The following TET2 variants were observed in gnomAD, a reference collection of about 807,000 sequenced individuals.
TET2 encodes the protein methylcytosine dioxygenase TET2.
Under a neutral mutation model 142.9 loss-of-function variants are expected in TET2, and 299 were observed. The observed-to-expected ratio is 2.09, with a 90% confidence interval of 1.90 to 2.30. The LOEUF (loss-of-function observed/expected upper bound fraction) is 2.30, where lower values mean the gene tolerates loss of function less well. Among genes scored for constraint, TET2 ranks in the 30% most tolerant of loss-of-function variants. The pLI, the probability that TET2 is intolerant of heterozygous loss-of-function variation, is 0.00. For synonymous variants in TET2, 819 were observed against 849.0 expected, an observed-to-expected ratio of 0.96 and a Z score of 0.61; for missense variants, 2,418 against 2,378.0, an observed-to-expected ratio of 1.02 and a Z score of -0.35.
In TET2 at chr4:105,275,286, CA is replaced by C; in HGVS notation, c.4777del (p.Ser1593AlafsTer3). On this transcript the variant is annotated frameshift_variant, in exon 11 of 11. Transcript: ENST00000380013. LOFTEE classifies it low-confidence loss of function (END_TRUNC). The stretch of plus-strand genomic sequence containing the variant: ...ACACTTCAGATATCTATGGAAGCAC[CA>C]GCCCTATGAACTTCTATTCCACCTC... ...SHTSDIYGSTSPMNFYSTSSQ... is the reference protein window; with the variant it reads ...SHTSDIYGSTXPMNFYSTSSQ... The C allele has an allele frequency of 6.4e-7, 1 of 1,552,160 alleles. No homozygotes were observed. Among genetic ancestry groups the C allele is most frequent in the Non-Finnish European group, 8.7e-7 (1 of 1,147,088 alleles).
In TET2 at chr4:105,243,788, GC is replaced by G; in HGVS notation, c.3803+13del. On this transcript the variant is annotated intron_variant, in intron 6 of 10. Transcript: ENST00000380013. ...GTGCCTTGAATGAAGAGTAAGTGAAGCCCAGGGCCTCTCCCCTCTTTGCGGC... is the reference window on the plus strand; with the variant it reads ...GTGCCTTGAATGAAGAGTAAGTGAAGCCAGGGCCTCTCCCCTCTTTGCGGC... 6.5e-7 allele frequency: 1 copy of G among 1,550,122 alleles called. No homozygotes were observed. The highest frequency in any genetic ancestry group is 8.7e-7 in the Non-Finnish European group (1 of 1,145,674).
intron 2 of TET2, among the ~76,000 whole-genome samples, chr4:105,212,441 G>T (rs1727224749): frequency 6.6e-6 from 1 of 151,968 alleles, no homozygotes; most frequent in Admixed American, 6.6e-5. Flanking sequence ...ATAATGACTG[G>T]CAACTTAACA....
Position 105,276,654 on chromosome 4 carries a change from C to A in TET2, c.*135C>A. The A allele has an allele frequency of 9.7e-7, 1 of 1,028,310 alleles. No homozygotes were observed. Among genetic ancestry groups the A allele is most frequent in the Non-Finnish European group, 1.4e-6 (1 of 727,200 alleles). The allele number at this position is 1,028,310 out of a possible 1,614,324, so 63.7% of individuals were successfully genotyped here. ...ATGTGGTGGGAAAAACCTCAGCTCA[C>A]CAGCAACAAAAGAGGTTATCTTACC... On this transcript the variant is annotated 3_prime_UTR_variant, in exon 11 of 11. Coordinates refer to ENST00000380013, the MANE Select transcript of TET2 (RefSeq NM_001127208.3).
chr4:105,244,586 G>GTTTTTTTTTTTTT (rs566674796), intron 6 of TET2, among the ~76,000 whole-genome samples: 1 of 66,696 alleles, frequency 1.5e-5, no homozygotes, highest in African/African-American at 4.1e-5. Flanking sequence ...ACACAGAAAT[G>GTTTTTTTTTTTTT]TTTTTTTTTT....
At chr4:105,193,876 G>A (rs17508289) in intron 2 of TET2, among the ~76,000 whole-genome samples, 10,477 of 152,156 alleles carry the variant, frequency 0.069, 485 homozygotes, top group Non-Finnish European at 0.1. Flanking sequence ...CATTAAATCC[G>A]TGTAATACTA....
At chr4:105,158,571 A>G (rs1723678507) in intron 1 of TET2, among the ~76,000 whole-genome samples, 1 of 152,292 alleles carries the variant, frequency 6.6e-6, no homozygotes, top group East Asian at 1.9e-4. Flanking sequence ...TTTGTAAATC[A>G]TTTGCCTACT....
chr4:105,173,580 T>G (rs1724605926), intron 1 of TET2, among the ~76,000 whole-genome samples: 1 of 151,994 alleles, frequency 6.6e-6, no homozygotes, highest in African/African-American at 2.4e-5. Flanking sequence ...CAGAGAAGAA[T>G]GAGTCATTTT....
chr4:105,157,871 T>G (rs1645255870), intron 1 of TET2, among the ~76,000 whole-genome samples: 2 of 152,074 alleles, frequency 1.3e-5, no homozygotes, highest in Non-Finnish European at 2.9e-5. Flanking sequence ...GAAACAGCGT[T>G]TCGCCATGTA....
intron 6 of TET2, among the ~76,000 whole-genome samples, chr4:105,250,522 C>T (rs912049572): frequency 6.6e-6 from 1 of 151,380 alleles, no homozygotes; most frequent in African/African-American, 2.4e-5. Context: ...TGAGCCACCA[C>T]ATCCAACCCC....
chr4:105,182,441 T>A (rs537701838), intron 1 of TET2, among the ~76,000 whole-genome samples: 148 of 152,342 alleles, frequency 9.7e-4, no homozygotes, highest in African/African-American at 3.4e-3. Context: ...ATTTTGATTA[T>A]CACTCCTGTG....
At chr4:105,225,185 C>CGTGTGTGTGTGTGTGTGTGT (rs79864807) in intron 2 of TET2, among the ~76,000 whole-genome samples, 3,535 of 147,168 alleles carry the variant, frequency 0.024, 112 homozygotes, top group African/African-American at 0.052. Context: ...AGTAAAAAAT[C>CGTGTGTGTGTGTGTGTGTGT]GTGTGTGTGT....
In TET2 at chr4:105,278,554, G is replaced by A; in HGVS notation, c.*2035G>A. Reference sequence around the variant, plus strand: ...CCTGTGTTTATGTAAAATTGTTGTAGGTTAATAAATATATTCTTTGTCAGG... The same window carrying A: ...CCTGTGTTTATGTAAAATTGTTGTAAGTTAATAAATATATTCTTTGTCAGG... On this transcript the variant is annotated 3_prime_UTR_variant, in exon 11 of 11. Coordinates refer to ENST00000380013, the MANE Select transcript of TET2 (RefSeq NM_001127208.3). 4.3e-6 allele frequency: 1 copy of A among 231,388 alleles called. No individual in the cohort carries two copies. The highest frequency in any genetic ancestry group is 8.5e-6 in the Non-Finnish European group (1 of 117,042). 14.3% of individuals were successfully genotyped at this position (231,388 alleles called of 1,614,324 possible). A position where few individuals can be genotyped will look rare whatever the true frequency, so the allele number is the denominator to read the frequency against.
chr4:105,163,903 G>A (rs1163538440), intron 1 of TET2, among the ~76,000 whole-genome samples: 1 of 148,596 alleles, frequency 6.7e-6, no homozygotes, highest in Non-Finnish European at 1.5e-5. Flanking sequence ...GCTTTGTTGA[G>A]GTATAATTGA....
Position 105,275,234 on chromosome 4 carries a change from CAG to C in TET2, c.4725_4726del (p.Val1576Ter). On this transcript the variant is annotated frameshift_variant, in exon 11 of 11. Transcript: ENST00000380013. LOFTEE classifies it low-confidence loss of function (END_TRUNC). ...AATCCATACATGAGACGGCCCAATC[CAG>C]TTAGTCCTTATCCAAACTCTTCACA... 6.4e-7 allele frequency: 1 copy of C among 1,552,344 alleles called. No individual in the cohort carries two copies. Among genetic ancestry groups the C allele is most frequent in the Non-Finnish European group, 8.7e-7 (1 of 1,147,122 alleles).
chr4:105,243,738 TACGGCACGCTC>T lies in TET2; in HGVS notation c.3766_3776del (p.Gly1256GlnfsTer8). ...GGAGCTTACCGAGACGCTGAGGAAA[TACGGCACGCTC>T]ACCAATCGCCGGTGTGCCTTGAATG... is the stretch of plus-strand genomic sequence containing the variant. On this transcript the variant is annotated frameshift_variant, in exon 6 of 11. Coordinates refer to ENST00000380013, the MANE Select transcript of TET2 (RefSeq NM_001127208.3). LOFTEE classifies it high-confidence loss of function. 1 of 1,551,226 alleles carries T rather than the reference TACGGCACGCTC, an allele frequency of 6.4e-7. No homozygotes were observed. The highest frequency in any genetic ancestry group is 8.7e-7 in the Non-Finnish European group (1 of 1,146,790).
Position 105,235,387 on chromosome 4 carries a change from AT to A in TET2, c.1446del (p.Asn482LysfsTer4). ...CCGATGCTTTCTGAAAGGCCTCAGA[AT>A]AATTGTGTGAACAGGAATGACATAC... ...PSPMLSERPQ[N>X]NCVNRNDIQT... On this transcript the variant is annotated frameshift_variant, in exon 3 of 11. Coordinates refer to ENST00000380013, the MANE Select transcript of TET2 (RefSeq NM_001127208.3). LOFTEE classifies it high-confidence loss of function. 2 of 1,614,224 alleles carry A rather than the reference AT, an allele frequency of 1.2e-6. No homozygotes were observed. The highest frequency in any genetic ancestry group is 1.7e-6 in the Non-Finnish European group (2 of 1,180,036).
At chr4:105,231,597 T>C (rs1728506611) in intron 2 of TET2, among the ~76,000 whole-genome samples, 1 of 152,216 alleles carries the variant, frequency 6.6e-6, no homozygotes, top group Admixed American at 6.5e-5. Context: ...ATAATCTTTT[T>C]ATCTGTAAAC....
At position 105,277,211 on chromosome 4, in the gene TET2, G is replaced by T. The variant is rs941481043; in HGVS notation, c.*692G>T. 4 of 228,666 alleles carry T rather than the reference G, an allele frequency of 1.7e-5. No homozygotes were observed. The highest frequency in any genetic ancestry group is 2.6e-5 in the Non-Finnish European group (3 of 115,428). The allele number at this position is 228,666 out of a possible 1,614,324, so 14.2% of individuals were successfully genotyped here. A position where few individuals can be genotyped will look rare whatever the true frequency, so the allele number is the denominator to read the frequency against. ...TACTCCAGTGCCCTTGAATAATAGG[G>T]GTACCTTTTCATTCAAGTTTTTATC... On this transcript the variant is annotated 3_prime_UTR_variant, in exon 11 of 11. Transcript: ENST00000380013.
In TET2 at chr4:105,275,520, C is replaced by T. The variant is rs1431704782; in HGVS notation, c.5010C>T (p.Leu1670=). Residue 1670 remains leucine, a synonymous_variant, in exon 11 of 11, where the codon CTC becomes CTT. Transcript: ENST00000380013. ...CAAGCCAAGACCCTCTGTCTAAGCT[C>T]AGTCTACCACCCATCCATACACTTT... The part of the protein sequence containing the change: ...RYPSQDPLSK[L]SLPPIHTLYQ... 3.9e-6 allele frequency: 6 copies of T among 1,551,580 alleles called. No individual in the cohort carries two copies. Among genetic ancestry groups the T allele is most frequent in the Non-Finnish European group, 3.5e-6 (4 of 1,146,982 alleles).
Sources: allele counts gnomAD v4.1 joint callset (sites outside exome capture counted in the v4.1 genomes callset), GRCh38; gene constraint gnomAD v4.1.1; transcripts MANE v1.5; gene names NCBI Gene and HGNC (gene_info 2026-07-23, HGNC 2026-07-21).